The following FAM199X variants were observed in gnomAD, a reference collection of about 807,000 sequenced individuals.
The protein encoded by FAM199X is protein FAM199X.
A neutral mutation model predicts 22.9 loss-of-function variants in FAM199X; 4 were observed. That is an observed-to-expected ratio of 0.17 (90% CI 0.09 to 0.40). The LOEUF (loss-of-function observed/expected upper bound fraction) is 0.40. FAM199X is among the 10% of genes least tolerant of loss of function. The probability of loss-of-function intolerance (pLI) is 1.00; values close to 1 mark genes in which losing one functional copy is unlikely to be tolerated. For missense variants in FAM199X, 183 were observed against 306.8 expected (o/e 0.60, Z 3.01); for synonymous variants, 101 against 112.3 (o/e 0.90, Z 0.64).
chrX:104,186,940 C>G (rs1430412056), intron 4 of FAM199X, among the ~76,000 whole-genome samples: 2 of 111,339 alleles, frequency 1.8e-5, no homozygotes, highest in African/African-American at 6.5e-5. Flanking sequence ...GACTAATTGA[C>G]AATCAAAATA....
At chrX:104,187,435 G>A (rs1921834285) in intron 4 of FAM199X, among the ~76,000 whole-genome samples, 1 of 111,852 alleles carries the variant, frequency 8.9e-6, no homozygotes, top group African/African-American at 3.3e-5. Flanking sequence ...ACGTAGCTGA[G>A]TGAATACTTA....
intron 1 of FAM199X, among the ~76,000 whole-genome samples, chrX:104,167,866 G>A (rs1556374402): frequency 9.2e-6 from 1 of 108,352 alleles, no homozygotes; most frequent in African/African-American, 3.4e-5. Context: ...TTTAACATAG[G>A]TGGATATTTG....
Position 104,193,694 on chromosome X carries a change from A to T in FAM199X, c.*3916A>T, listed in dbSNP as rs1921994078. On this transcript the variant is annotated 3_prime_UTR_variant, in exon 6 of 6. Coordinates refer to ENST00000493442, the MANE Select transcript of FAM199X (RefSeq NM_207318.4). The stretch of plus-strand genomic sequence containing the variant: ...GGCACTGACTCATTCAGCATGTCTG[A>T]ACTAGAAGTAAATTTAATTCTGAAA... 1 of 112,101 alleles carries T rather than the reference A, an allele frequency of 8.9e-6. No homozygotes were observed. The highest frequency in any genetic ancestry group is 3.7e-4 in the South Asian group (1 of 2,729). 9.2% of individuals were successfully genotyped at this position (112,101 alleles called of 1,213,427 possible).
Position 104,173,552 on chromosome X carries a change from G to A in FAM199X, c.198-2071G>A, listed in dbSNP as rs782427053. 3.6e-5 allele frequency among the ~76,000 whole-genome samples: 4 copies of A among 111,505 alleles called. No individual in the cohort carries two copies. The South Asian group carries it at 1.5e-3, about 41-fold the overall frequency. ...AATGGAGGAAGTTAAAAAAAATGAA[G>A]TGCGTAATTTAAGAAACAGTAGATT... On this transcript the variant is annotated intron_variant, in intron 1 of 5. Transcript: ENST00000493442.
the FAM199X span, among the ~76,000 whole-genome samples, chrX:104,158,965 C>T: frequency 1.9e-4 from 21 of 111,895 alleles, no homozygotes; most frequent in African/African-American, 6.5e-4. Flanking sequence ...TTTATTTTTT[C>T]CCCCAACACC....
At chrX:104,189,217 C>T (rs138045179) in intron 5 of FAM199X, among the ~76,000 whole-genome samples, 8 of 111,331 alleles carry the variant, frequency 7.2e-5, no homozygotes, top group Non-Finnish European at 1.5e-4. Flanking sequence ...ACCTGAGAAT[C>T]ATAAGTATTA....
At chrX:104,181,406 G>A (rs1226384484) in intron 2 of FAM199X, among the ~76,000 whole-genome samples, 3 of 111,859 alleles carry the variant, frequency 2.7e-5, no homozygotes, top group Admixed American at 9.5e-5. Flanking sequence ...GTCTAATCCC[G>A]TATCTCCAGT....
At position 104,191,651 on chromosome X, in the gene FAM199X, CAAA is replaced by C. The variant is rs1346963609; in HGVS notation, c.*1875_*1877del. On this transcript the variant is annotated 3_prime_UTR_variant, in exon 6 of 6. Coordinates refer to ENST00000493442, the MANE Select transcript of FAM199X (RefSeq NM_207318.4). ...ATTCTCTACCTGCTCTTAGCAAAAG[CAAA>C]ATCCCACAGAATGATTGCCTGCTGT... The C allele has an allele frequency of 8.9e-6, 1 of 111,749 alleles. No individual in the cohort carries two copies. Among genetic ancestry groups the C allele is most frequent in the Admixed American group, 9.5e-5 (1 of 10,490 alleles). The allele number at this position is 111,749 out of a possible 1,213,427, so 9.2% of individuals were successfully genotyped here.
Position 104,192,345 on chromosome X carries a change from A to G in FAM199X, c.*2567A>G, listed in dbSNP as rs192521756. 1.8e-4 allele frequency: 20 copies of G among 112,078 alleles called. No individual in the cohort carries two copies. The highest frequency in any genetic ancestry group is 1.5e-3 in the Admixed American group (16 of 10,573). The allele number at this position is 112,078 out of a possible 1,213,427, so 9.2% of individuals were successfully genotyped here. A position where few individuals can be genotyped will look rare whatever the true frequency, so the allele number is the denominator to read the frequency against. On this transcript the variant is annotated 3_prime_UTR_variant, in exon 6 of 6. Transcript: ENST00000493442. ...TTATTTTTAAATACAAATCCTAACT[A>G]ACCAATTAATTAATAAAAAGGCAAG...
chrX:104,166,508 C>A lies in FAM199X; in HGVS notation c.-278C>A. ...CGGGCCTGGCCGGGCCGGGCGGCGG[C>A]GCTGCGCTGACGGGCTGAGTCTGGC... On this transcript the variant is annotated 5_prime_UTR_variant, in exon 1 of 6. Coordinates refer to ENST00000493442, the MANE Select transcript of FAM199X (RefSeq NM_207318.4). The A allele has an allele frequency of 5.1e-6, 1 of 196,518 alleles. No individual in the cohort carries two copies. The highest frequency in any genetic ancestry group is 9.4e-6 in the Non-Finnish European group (1 of 106,304). The allele number at this position is 196,518 out of a possible 1,213,427, so 16.2% of individuals were successfully genotyped here.
chrX:104,181,946 A>C (rs1340505765), intron 2 of FAM199X, among the ~76,000 whole-genome samples: 1 of 107,822 alleles, frequency 9.3e-6, no homozygotes, highest in African/African-American at 3.4e-5. Flanking sequence ...TTATCCATTC[A>C]GTTATCAAAC....
chrX:104,180,387 T>C (rs1213265619), intron 2 of FAM199X, among the ~76,000 whole-genome samples: 1 of 108,055 alleles, frequency 9.3e-6, no homozygotes, highest in Non-Finnish European at 1.9e-5. Flanking sequence ...GTCCTGATAA[T>C]TCTAAGAAAT....
intron 1 of FAM199X, among the ~76,000 whole-genome samples, chrX:104,170,116 G>A (rs1375185229): frequency 1.8e-5 from 2 of 112,152 alleles, no homozygotes; most frequent in Non-Finnish European, 3.8e-5. Flanking sequence ...TTGGTTTTGG[G>A]GGCAGTGATT....
intron 2 of FAM199X, among the ~76,000 whole-genome samples, chrX:104,184,876 G>A (rs924057227): frequency 1.8e-5 from 2 of 108,530 alleles, no homozygotes; most frequent in Non-Finnish European, 3.8e-5. Flanking sequence ...AACCTCCCAG[G>A]TTCAAGCGAT....
Position 104,166,977 on chromosome X carries a change from C to T in FAM199X, c.192C>T (p.Thr64=). Residue 64 remains threonine (T), a synonymous_variant, in exon 1 of 6, where the codon ACC becomes ACT. Transcript: ENST00000493442. ...CCGACCCGCTCCACCGCTTCCACAC[C>T]AACAGGTACGAACTGCACCTGAGGG... ...HRTDPLHRFH[T]NRWNLTSCGT... is the part of the protein sequence containing the mutation. 1 of 1,161,421 alleles carries T rather than the reference C, an allele frequency of 8.6e-7. No homozygotes were observed. The highest frequency in any genetic ancestry group is 1.2e-6 in the Non-Finnish European group (1 of 867,965).
chrX:104,186,480 G>C lies in FAM199X; in HGVS notation c.588G>C (p.Leu196=). 8.3e-7 allele frequency: 1 copy of C among 1,209,207 alleles called. No homozygotes were observed. The highest frequency in any genetic ancestry group is 1.1e-6 in the Non-Finnish European group (1 of 894,669). The change falls in exon 4 of 6, where the codon CTG becomes CTC. Residue 196 remains leucine (L), a synonymous_variant. Coordinates refer to ENST00000493442, the MANE Select transcript of FAM199X (RefSeq NM_207318.4). ...CATAGGTGGAATATATTGAGTATCT[G>C]AGTCGGAAAGTGAGTACTGAGATGG... ...NDEQVEYIEY[L]SRKVSTEMGL... is the part of the protein sequence containing the mutation.
In FAM199X at chrX:104,166,491, G is replaced by A; in HGVS notation, c.-295G>A. The A allele has an allele frequency of 5.8e-6, 1 of 171,931 alleles. No individual in the cohort carries two copies. The highest frequency in any genetic ancestry group is 1.1e-5 in the Non-Finnish European group (1 of 90,738). 14.2% of individuals were successfully genotyped at this position (171,931 alleles called of 1,213,427 possible). ...GAGCGCAGTGGGCGGGGCGGGCCTG[G>A]CCGGGCCGGGCGGCGGCGCTGCGCT... On this transcript the variant is annotated 5_prime_UTR_variant, in exon 1 of 6. Coordinates refer to ENST00000493442, the MANE Select transcript of FAM199X (RefSeq NM_207318.4).
rs782081027 is a variant in FAM199X at position 104,180,936 on chromosome X, A to ATT, written c.417+5097_417+5098dup. On this transcript the variant is annotated intron_variant, in intron 2 of 5. Coordinates refer to ENST00000493442, the MANE Select transcript of FAM199X (RefSeq NM_207318.4). ...AATGCTCACTACTTAATAAGATGAG[A>ATT]TTTTAACCTTAGAATGAATTAGCAT... Among the ~76,000 whole-genome samples, 4 of 112,495 alleles carry ATT rather than the reference A, an allele frequency of 3.6e-5. No homozygotes were observed. The South Asian group carries it at 1.5e-3, about 41-fold the overall frequency.
At chrX:104,167,334 A>C (rs1236958271) in intron 1 of FAM199X, among the ~76,000 whole-genome samples, 1 of 99,214 alleles carries the variant, frequency 1.0e-5, no homozygotes, top group Non-Finnish European at 2.0e-5. Flanking sequence ...ATCCATCTGC[A>C]AAAGTTTAAC....
Sources: gnomAD v4.1 joint callset for allele counts (sites outside exome capture counted in the v4.1 genomes callset) on GRCh38, gnomAD v4.1.1 for gene constraint, MANE v1.5 for transcripts, NCBI Gene and HGNC (gene_info 2026-07-23, HGNC 2026-07-21) for gene names.